DLG2: variants seen among roughly 807,000 people sequenced by gnomAD.
DLG2 encodes disks large homolog 2.
DLG2 carries 45 observed loss-of-function variants against 132.5 expected under a neutral mutation model. The observed-to-expected ratio is 0.34, with a 90% CI of 0.27 to 0.44. The LOEUF (loss-of-function observed/expected upper bound fraction) is 0.44, where lower values mean the gene tolerates loss of function less well. Among genes scored for constraint, DLG2 ranks in the 20% least tolerant of loss-of-function variants. DLG2 has a pLI of 1.00. For synonymous variants in DLG2, 424 were observed against 419.6 expected (o/e 1.01, Z -0.13); for missense variants, 1,045 against 1,196.9 (o/e 0.87, Z 1.87).
intron 6 of DLG2, among the ~76,000 whole-genome samples, chr11:84,575,782 T>A (rs189339272): frequency 3.9e-5 from 6 of 152,314 alleles, no homozygotes; most frequent in Non-Finnish European, 7.4e-5. Flanking sequence ...CTCATCAGTG[T>A]TTATGTGCCT....
At chr11:84,834,974 A>G (rs1474052005) in intron 6 of DLG2, among the ~76,000 whole-genome samples, 1 of 151,652 alleles carries the variant, frequency 6.6e-6, no homozygotes, top group African/African-American at 2.4e-5. Context: ...TCCTAATAAT[A>G]AGACTTCTCA....
At chr11:83,531,003 A>G (rs998539023) in intron 21 of DLG2, among the ~76,000 whole-genome samples, 1 of 152,072 alleles carries the variant, frequency 6.6e-6, no homozygotes, top group African/African-American at 2.4e-5. Flanking sequence ...CAACGTACAA[A>G]TACTAACTCA....
At chr11:83,626,498 C>T (rs925310684) in intron 19 of DLG2, among the ~76,000 whole-genome samples, 16 of 152,154 alleles carry the variant, frequency 1.1e-4, no homozygotes, top group Admixed American at 3.3e-4. Flanking sequence ...TTTATGAATG[C>T]CTTAAGTTAA....
intron 4 of DLG2, among the ~76,000 whole-genome samples, chr11:85,255,330 C>A (rs1398945781): frequency 6.6e-6 from 1 of 152,130 alleles, no homozygotes; most frequent in Admixed American, 6.5e-5. Context: ...ATCTTATATA[C>A]AAAGGATATT....
intron 14 of DLG2, among the ~76,000 whole-genome samples, chr11:83,942,107 A>G (rs952834979): frequency 6.6e-6 from 1 of 152,220 alleles, no homozygotes; most frequent in African/African-American, 2.4e-5. Flanking sequence ...AACCACTGGA[A>G]AAAATATTTA....
chr11:84,012,569 C>T (rs1334977325), intron 11 of DLG2, among the ~76,000 whole-genome samples: 1 of 152,112 alleles, frequency 6.6e-6, no homozygotes, highest in African/African-American at 2.4e-5. Context: ...ACCAGGGAGA[C>T]TATGAGATTG....
intron 3 of DLG2, among the ~76,000 whole-genome samples, chr11:85,450,990 A>G (rs147945664): frequency 1.6e-3 from 244 of 152,200 alleles, no homozygotes; most frequent in African/African-American, 5.6e-3. Flanking sequence ...CACTTCCATG[A>G]CTTTATATTA....
chr11:85,449,310 G>T (rs1398644406), intron 3 of DLG2, among the ~76,000 whole-genome samples: 2 of 151,900 alleles, frequency 1.3e-5, no homozygotes, highest in Non-Finnish European at 2.9e-5. Flanking sequence ...ATCAGCTCTT[G>T]TCATTCTAAT....
intron 6 of DLG2, among the ~76,000 whole-genome samples, chr11:84,804,924 G>A (rs2153964767): frequency 6.6e-6 from 1 of 152,242 alleles, no homozygotes; most frequent in East Asian, 1.9e-4. Context: ...CTCCAACATT[G>A]TAACCGTGGA....
chr11:84,050,375 T>G (rs1057303277), intron 11 of DLG2, among the ~76,000 whole-genome samples: 27 of 151,954 alleles, frequency 1.8e-4, no homozygotes, highest in Non-Finnish European at 3.8e-4. Context: ...GGTTGTTTTT[T>G]TCTTGTAAAT....
chr11:85,488,121 T>A (rs985001898), intron 3 of DLG2, among the ~76,000 whole-genome samples: 12 of 152,230 alleles, frequency 7.9e-5, no homozygotes, highest in African/African-American at 2.9e-4. Context: ...CTGGGTGCAG[T>A]GGCTCACGCC....
intron 8 of DLG2, among the ~76,000 whole-genome samples, chr11:84,194,687 A>T (rs941714726): frequency 6.6e-6 from 1 of 152,138 alleles, no homozygotes; most frequent in Admixed American, 6.5e-5. Context: ...GCTAGACATA[A>T]AAGTTCTCCA....
intron 9 of DLG2, among the ~76,000 whole-genome samples, chr11:84,116,375 T>C (rs2093634195): frequency 6.6e-6 from 1 of 152,210 alleles, no homozygotes; most frequent in African/African-American, 2.4e-5. Flanking sequence ...CTCAAGTGGC[T>C]AATAAAGACA....
chr11:84,090,242 C>T (rs908792821), intron 10 of DLG2, among the ~76,000 whole-genome samples: 8 of 151,752 alleles, frequency 5.3e-5, no homozygotes, highest in African/African-American at 1.9e-4. Context: ...GGTGAAACCC[C>T]GTCTCTACTA....
intron 6 of DLG2, among the ~76,000 whole-genome samples, chr11:84,673,865 TACA>T (rs1436243207): frequency 1.3e-5 from 2 of 152,118 alleles, no homozygotes; most frequent in East Asian, 1.9e-4. Context: ...ACCTGCAACT[TACA>T]ACAACTCAGC....
At chr11:83,758,419 C>G (rs1409199507) in intron 18 of DLG2, among the ~76,000 whole-genome samples, 1 of 152,190 alleles carries the variant, frequency 6.6e-6, no homozygotes, top group African/African-American at 2.4e-5. Flanking sequence ...TTTTCCATAT[C>G]TTTGCAGTCT....
intron 3 of DLG2, among the ~76,000 whole-genome samples, chr11:85,525,581 A>T (rs948260679): frequency 1.1e-4 from 16 of 152,260 alleles, no homozygotes; most frequent in African/African-American, 3.9e-4. Flanking sequence ...ATGGAGTAAC[A>T]GATACAAAAT....
chr11:83,918,595 T>C (rs1229450617), intron 15 of DLG2, among the ~76,000 whole-genome samples: 1 of 152,196 alleles, frequency 6.6e-6, no homozygotes, highest in African/African-American at 2.4e-5. Flanking sequence ...AGGCTGACTT[T>C]ATGAGTCACA....
At chr11:85,461,888 T>G (rs2092626911) in intron 3 of DLG2, among the ~76,000 whole-genome samples, 1 of 151,996 alleles carries the variant, frequency 6.6e-6, no homozygotes, top group Non-Finnish European at 1.5e-5. Context: ...GGAGAAAAAT[T>G]TTGCAACCTG....
Sources: allele counts gnomAD v4.1 joint callset (sites outside exome capture counted in the v4.1 genomes callset), GRCh38; gene constraint gnomAD v4.1.1; transcripts MANE v1.5; gene names NCBI Gene and HGNC (gene_info 2026-07-23, HGNC 2026-07-21).